Variants in DDX3X observed in about 807,000 individuals in gnomAD.
DDX3X encodes DEAD-box helicase 3 X-linked.
DDX3X carries 4 observed loss-of-function variants against 52.7 expected under a neutral mutation model. That is an observed-to-expected ratio of 0.08 (90% CI 0.04 to 0.17). The LOEUF is 0.17. DDX3X is among the 10% of genes least tolerant of loss of function. The probability of loss-of-function intolerance (pLI) is 1.00; values close to 1 mark genes in which losing one functional copy is unlikely to be tolerated. For synonymous variants in DDX3X, 192 were observed against 178.1 expected, an observed-to-expected ratio of 1.08 and a Z score of -0.62; for missense variants, 222 against 548.6, an observed-to-expected ratio of 0.40 and a Z score of 5.95.
rs1178458916 is a variant in DDX3X at position 41,349,288 on chromosome X, T to A, written c.*1569T>A. 8 of 112,285 alleles carry A rather than the reference T, an allele frequency of 7.1e-5. No homozygotes were observed. Among genetic ancestry groups the A allele is most frequent in the African/African-American group, 9.7e-5 (3 of 30,773 alleles). 9.3% of individuals were successfully genotyped at this position (112,285 alleles called of 1,213,427 possible). On this transcript the variant is annotated 3_prime_UTR_variant, in exon 17 of 17. Coordinates refer to ENST00000644876, the MANE Select transcript of DDX3X (RefSeq NM_001356.5). ...TGCCCATAACTTTTTACAAAGTACT[T>A]CTTTTATTGCACATTCAGAGAATTT...
In DDX3X at chrX:41,345,649, C is replaced by G. The variant is rs980330168; in HGVS notation, c.1315+101C>G. 4 of 745,387 alleles carry G rather than the reference C, an allele frequency of 5.4e-6. No homozygotes were observed. In the Admixed American group the frequency reaches 1.0e-4, roughly 19 times the overall value. The allele number at this position is 745,387 out of a possible 1,213,427, so 61.4% of individuals were successfully genotyped here. A position where few individuals can be genotyped will look rare whatever the true frequency, so the allele number is the denominator to read the frequency against. ...TCACAGGTGTGATCTCATTACTGAT[C>G]AGCATGGGAGTATTTGACCTGCTCT... is the stretch of plus-strand genomic sequence containing the variant. On this transcript the variant is annotated intron_variant, in intron 12 of 16. Transcript: ENST00000644876.
In DDX3X at chrX:41,344,238, G is replaced by C. The variant is rs1255183431; in HGVS notation, c.865-1G>C. The C allele has an allele frequency of 8.3e-7, 1 of 1,207,416 alleles. No homozygotes were observed. The highest frequency in any genetic ancestry group is 1.1e-6 in the Non-Finnish European group (1 of 894,091). ...GTTCATAACATTTTTTTTGCTTATA[G>C]TTTTCATACCGATCTAGAGTTCGTC... On this transcript the variant is annotated splice_acceptor_variant, in intron 9 of 16. Transcript: ENST00000644876. LOFTEE classifies it high-confidence loss of function.
chrX:41,341,909 A>G, intron 4 of DDX3X: 1 of 233,340 alleles, frequency 4.3e-6, no homozygotes, highest in Middle Eastern at 1.4e-3. Context: ...TGTGGACTCT[A>G]TAACAATTTC....
At chrX:41,347,047 G>T (rs1188802934) in intron 15 of DDX3X, 35 bp downstream of exon 15, 3 of 1,151,653 alleles carry the variant, frequency 2.6e-6, no homozygotes, top group Non-Finnish European at 3.5e-6. Context: ...AGGGGAATGG[G>T]TGTTCACTTA....
At position 41,337,401 on chromosome X, in the gene DDX3X, C is replaced by G. The variant is rs775885529; in HGVS notation, c.46-7C>G. The G allele has an allele frequency of 7.5e-6, 9 of 1,205,385 alleles. No individual in the cohort carries two copies. The highest frequency in any genetic ancestry group is 9.0e-6 in the Non-Finnish European group (8 of 891,747). On this transcript the variant is annotated splice_polypyrimidine_tract_variant and splice_region_variant and intron_variant, in intron 1 of 16. Transcript: ENST00000644876. ...CATGGGGTGCTAACCATCTCACTCT[C>G]TTCTAGTTTGCTGGCCTAGACCTGA... is the stretch of plus-strand genomic sequence containing the variant.
rs1259249406 is a variant in DDX3X, at chrX:41,349,241, A to G, written c.*1522A>G. 8.9e-6 allele frequency: 1 copy of G among 112,546 alleles called. No homozygotes were observed. Among genetic ancestry groups the G allele is most frequent in the African/African-American group, 3.2e-5 (1 of 30,867 alleles). 9.3% of individuals were successfully genotyped at this position (112,546 alleles called of 1,213,427 possible). ...GTTATGGTGCTATTTCAATTAGTCT[A>G]GGTTTAGGCCCTTGTACATTTTGCC... is the stretch of plus-strand genomic sequence containing the variant. On this transcript the variant is annotated 3_prime_UTR_variant, in exon 17 of 17. Coordinates refer to ENST00000644876, the MANE Select transcript of DDX3X (RefSeq NM_001356.5).
chrX:41,345,133 C>T (rs750906140), intron 10 of DDX3X, 47 bp from the exon 11 acceptor site: 13 of 1,168,525 alleles, frequency 1.1e-5, no homozygotes, highest in Non-Finnish European at 1.2e-5. Context: ...ATGTTGATTT[C>T]TCCTCAAATT....
chrX:41,334,459 T>A, intron 1 of DDX3X, 162 bp downstream of exon 1: 1 of 1,103,587 alleles, frequency 9.1e-7, no homozygotes, highest in Non-Finnish European at 1.2e-6. Flanking sequence ...ATAGGAATGT[T>A]GGTTGGGGCT....
chrX:41,356,301 G>A (rs887794263), intron 5 of DDX3X, among the ~76,000 whole-genome samples: 10 of 108,094 alleles, frequency 9.3e-5, no homozygotes, highest in African/African-American at 3.4e-4. Context: ...CAACATGCCT[G>A]GCTAATGGCT....
downstream of DDX3X, among the ~76,000 whole-genome samples, chrX:41,353,910 C>T (rs2063998979): frequency 9.0e-6 from 1 of 111,182 alleles, no homozygotes; most frequent in Non-Finnish European, 1.9e-5. Context: ...GGTTACATCT[C>T]AGTGTGCAGA....
chrX:41,359,850 C>T (rs1488861656), intron 5 of DDX3X, among the ~76,000 whole-genome samples: 2 of 106,928 alleles, frequency 1.9e-5, no homozygotes, highest in African/African-American at 3.4e-5. Context: ...GGCGCGGTGG[C>T]GGGTGCCTGT....
At chrX:41,353,297 CAAAAAAAA>C (rs61067509), downstream of DDX3X, among the ~76,000 whole-genome samples, 85 of 46,007 alleles carry the variant, frequency 1.8e-3, no homozygotes, top group Admixed American at 0.02. Context: ...ACTAAAAATA[CAAAAAAAA>C]AAAAAAAAAA....
In DDX3X at chrX:41,345,545, A is replaced by T; in HGVS notation, c.1312A>T (p.Thr438Ser). Residue 438 changes from threonine (T) to serine (S), a missense_variant, in exon 12 of 17, where the codon ACA becomes TCA. By Grantham distance (58) the Thr-to-Ser change is moderately conservative (BLOSUM62 1). Around this residue, in one of 5 missense-constraint regions of DDX3X, gnomAD observed 73 missense variants for 301.4 expected, o/e 0.24. Transcript: ENST00000644876. ...ATTTCTGCTTGACCTCCTAAATGCA[A>T]CAGGTAACATTATGAATTTTTTATT... ...RSFLLDLLNA[T>S]GKDSLTLVFV... is the part of the protein sequence containing the mutation. 8.4e-7 allele frequency: 1 copy of T among 1,196,087 alleles called. No individual in the cohort carries two copies. The highest frequency in any genetic ancestry group is 1.1e-6 in the Non-Finnish European group (1 of 887,961).
At chrX:41,339,196 A>T (rs540756506) in intron 3 of DDX3X, 113 bp downstream of exon 3, 1 of 330,548 alleles carries the variant, frequency 3.0e-6, no homozygotes, top group Non-Finnish European at 5.4e-6. Context: ...TTGTTTTTCT[A>T]TGCTTCTGTC....
chrX:41,352,981 T>C (rs2063994772), downstream of DDX3X, among the ~76,000 whole-genome samples: 1 of 111,897 alleles, frequency 8.9e-6, no homozygotes, highest in Non-Finnish European at 1.9e-5. Context: ...TGGCATTCTA[T>C]TACGTGGCCC....
At chrX:41,347,257 G>A in intron 15 of DDX3X, 55 bp from the exon 16 acceptor site, 1 of 1,140,957 alleles carries the variant, frequency 8.8e-7, no homozygotes. Context: ...AAAGAGTTAG[G>A]TTACTTTAGT....
intron 10 of DDX3X, 43 bp downstream of exon 10, chrX:41,344,442 T>C: frequency 1.7e-6 from 2 of 1,199,459 alleles, no homozygotes; most frequent in Middle Eastern, 2.9e-4. Context: ...TGTTTTGTTT[T>C]GTTCTTTTGT....
chrX:41,347,618 CTCTT>C lies in DDX3X; in HGVS notation c.1910-20_1910-17del, dbSNP rs1029725804. ...GATGGATAACTTCATTAATTTCTCT[CTCTT>C]TTTAAATCTCTCATTAGGTGGCTAT... On this transcript the variant is annotated intron_variant, in intron 16 of 16. Coordinates refer to ENST00000644876, the MANE Select transcript of DDX3X (RefSeq NM_001356.5). 8.6e-7 allele frequency: 1 copy of C among 1,157,639 alleles called. No homozygotes were observed. The highest frequency in any genetic ancestry group is 1.8e-5 in the African/African-American group (1 of 55,844).
At chrX:41,356,542 TCTGCCTCCTGGGTTGAAGTGATTCCC>T (rs1376531788) in intron 5 of DDX3X, among the ~76,000 whole-genome samples, 3 of 97,336 alleles carry the variant, frequency 3.1e-5, no homozygotes, top group Non-Finnish European at 6.0e-5. Flanking sequence ...CACTGCAACC[TCTGCCTCCTGGGTTGAAGTGATTCCC>T]CTGCCTCAGC....
Sources: gnomAD v4.1 joint callset for allele counts (sites outside exome capture counted in the v4.1 genomes callset) on GRCh38, gnomAD v4.1.1 for gene constraint, gnomAD v4.1.1 regional missense constraint, MANE v1.5 for transcripts, NCBI Gene and HGNC (gene_info 2026-07-23, HGNC 2026-07-21) for gene names.